The following ME3 variants were observed in gnomAD, a reference collection of about 807,000 sequenced individuals.
ME3 encodes the protein malic enzyme 3, also known as NADP-dependent malic enzyme, mitochondrial.
In ME3, 48 loss-of-function variants were observed where a neutral mutation model predicts 68.9. The ratio of observed to expected loss-of-function variants is 0.70; its 90% CI spans 0.55 to 0.89. The LOEUF (loss-of-function observed/expected upper bound fraction) is 0.89, where lower values mean the gene tolerates loss of function less well. Ranked by LOEUF, ME3 falls within the 40% of genes least tolerant of loss-of-function variation. The pLI is 0.00. For synonymous variants in ME3, 320 were observed against 318.8 expected (o/e 1.00, Z -0.04); for missense variants, 675 against 797.4 (o/e 0.85, Z 1.85).
At chr11:86,441,846 A>G (rs566175212) in intron 14 of ME3, among the ~76,000 whole-genome samples, 51 of 152,216 alleles carry the variant, frequency 3.4e-4, no homozygotes, top group South Asian at 6.2e-4. Context: ...CCACTTGAAT[A>G]TGGGTTAAAT....
At chr11:86,665,178 A>G (rs890237622) in intron 2 of ME3, among the ~76,000 whole-genome samples, 4 of 152,244 alleles carry the variant, frequency 2.6e-5, no homozygotes, top group African/African-American at 7.2e-5. Flanking sequence ...ACAAACAGAC[A>G]AAGTCCCTGC....
At chr11:86,561,741 C>G (rs1019139622) in intron 2 of ME3, among the ~76,000 whole-genome samples, 18 of 152,096 alleles carry the variant, frequency 1.2e-4, no homozygotes, top group Non-Finnish European at 1.2e-4. Flanking sequence ...AATTAGAGTA[C>G]AGTGGTTATG....
chr11:86,553,022 C>T (rs1956770777), intron 4 of ME3, among the ~76,000 whole-genome samples: 1 of 152,150 alleles, frequency 6.6e-6, no homozygotes, highest in Admixed American at 6.5e-5. Flanking sequence ...CCCAGCCTCA[C>T]CTCTGGCTTT....
chr11:86,621,832 CAA>C (rs1943369139), intron 2 of ME3, among the ~76,000 whole-genome samples: 1 of 151,924 alleles, frequency 6.6e-6, no homozygotes, highest in South Asian at 2.1e-4. Flanking sequence ...AAATATAAAA[CAA>C]TGTGTTAAAT....
At chr11:86,652,916 G>GA (rs149968951) in intron 2 of ME3, among the ~76,000 whole-genome samples, 211 of 140,874 alleles carry the variant, frequency 1.5e-3, no homozygotes, top group South Asian at 8.1e-3. Flanking sequence ...CAGGCAAATG[G>GA]AAAAAAAAAA....
At chr11:86,581,285 G>A (rs923030707) in intron 2 of ME3, among the ~76,000 whole-genome samples, 2 of 152,154 alleles carry the variant, frequency 1.3e-5, no homozygotes, top group South Asian at 4.1e-4. Context: ...GTGGTATAAA[G>A]TGTACTTTTA....
chr11:86,562,439 T>C (rs985405292), intron 2 of ME3, among the ~76,000 whole-genome samples: 1 of 152,188 alleles, frequency 6.6e-6, no homozygotes, highest in Non-Finnish European at 1.5e-5. Flanking sequence ...ATGGTAAAAC[T>C]GTGCTTAGCT....
At position 86,531,801 on chromosome 11, in the gene ME3, G is replaced by T. The variant is rs532209570; in HGVS notation, c.468-22934C>A. Among the ~76,000 whole-genome samples, 1,058 of 134,580 alleles carry T rather than the reference G, an allele frequency of 7.9e-3. 10 individuals are homozygous for T. Among genetic ancestry groups the T allele is most frequent in the African/African-American group, 0.027 (989 of 36,344 alleles). 88.3% of individuals were successfully genotyped at this position (134,580 alleles called of 152,430 possible). The stretch of plus-strand genomic sequence containing the variant: ...TGAGAACACATGGACACAGGAAGGG[G>T]AACATCACACACCGGGGCCTATTTT... On this transcript the variant is annotated intron_variant, in intron 4 of 14. Coordinates refer to ENST00000543262, the Ensembl canonical transcript of ME3.
chr11:86,604,116 A>T (rs1159674016), intron 2 of ME3, among the ~76,000 whole-genome samples: 1 of 152,012 alleles, frequency 6.6e-6, no homozygotes, highest in Non-Finnish European at 1.5e-5. Context: ...AAAGTTAAAA[A>T]AAAAAAGTTG....
intron 2 of ME3, among the ~76,000 whole-genome samples, chr11:86,561,061 T>C (rs1227492047): frequency 1.3e-5 from 2 of 152,092 alleles, no homozygotes; most frequent in Non-Finnish European, 2.9e-5. Context: ...TCACTGTTGA[T>C]ACGGACCTTG....
In ME3 at chr11:86,639,805, G is replaced by A. The variant is rs116123827; in HGVS notation, c.183+31957C>T. Among the ~76,000 whole-genome samples the A allele has an allele frequency of 3.4e-3, 521 of 152,306 alleles. 2 individuals carry two copies. The highest frequency in any genetic ancestry group is 0.012 in the African/African-American group (503 of 41,560). On this transcript the variant is annotated intron_variant, in intron 2 of 14. Transcript: ENST00000543262. ...CCTTTCAAATTAGGCTATAAACATA[G>A]TTTTGCTTTCAGGGTTACGTGGTTG...
intron 3 of ME3, among the ~76,000 whole-genome samples, chr11:86,558,597 C>T (rs1957047023): frequency 1.3e-5 from 2 of 152,126 alleles, no homozygotes; most frequent in African/African-American, 2.4e-5. Flanking sequence ...ACAGCCACAC[C>T]CTCAGGGACC....
chr11:86,462,751 C>T (rs1950285109), intron 8 of ME3: 1 of 486,058 alleles, frequency 2.1e-6, no homozygotes, highest in Non-Finnish European at 3.9e-6. Flanking sequence ...GCAGACAATG[C>T]AATACAGGCT....
chr11:86,439,214 C>T (rs1464244240), downstream of ME3, among the ~76,000 whole-genome samples: 1 of 152,178 alleles, frequency 6.6e-6, no homozygotes, highest in Non-Finnish European at 1.5e-5. Flanking sequence ...TCTGGGCACC[C>T]TGTGGTGCCG....
At chr11:86,592,161 T>C (rs1430667736) in intron 2 of ME3, among the ~76,000 whole-genome samples, 1 of 152,194 alleles carries the variant, frequency 6.6e-6, no homozygotes, top group African/African-American at 2.4e-5. Flanking sequence ...ACCTACTTAA[T>C]CATTACAGAC....
intron 4 of ME3, among the ~76,000 whole-genome samples, chr11:86,519,931 C>T (rs937621941): frequency 4.6e-5 from 7 of 152,184 alleles, no homozygotes; most frequent in African/African-American, 9.7e-5. Flanking sequence ...GACTGAAGTG[C>T]GGGATGGGGT....
chr11:86,449,816 G>A, intron 10 of ME3, 73 bp downstream of exon 10: 3 of 1,100,796 alleles, frequency 2.7e-6, no homozygotes, highest in Non-Finnish European at 4.0e-6. Flanking sequence ...TGACTTCTTG[G>A]AGACCTCTTC....
chr11:86,520,191 T>C (rs966067750), intron 4 of ME3, among the ~76,000 whole-genome samples: 1 of 151,862 alleles, frequency 6.6e-6, no homozygotes, highest in African/African-American at 2.4e-5. Context: ...GGATGTGGAG[T>C]GCTCCTGACT....
At chr11:86,556,522 C>T (rs778517676) in intron 4 of ME3, 31 bp downstream of exon 4, 64 of 1,603,260 alleles carry the variant, frequency 4.0e-5, no homozygotes, top group Non-Finnish European at 5.4e-5. Flanking sequence ...GAGGCAGCCC[C>T]TCCCAGAGCC....
Sources: gnomAD v4.1 joint callset for allele counts (sites outside exome capture counted in the v4.1 genomes callset) on GRCh38, gnomAD v4.1.1 for gene constraint, MANE v1.5 for transcripts, NCBI Gene and HGNC (gene_info 2026-07-23, HGNC 2026-07-21) for gene names.